The following MYRFL variants were observed in gnomAD, a reference collection of about 807,000 sequenced individuals.
The protein encoded by MYRFL is myelin regulatory factor like, also known as myelin regulatory factor-like protein.
MYRFL carries 88 observed loss-of-function variants against 109.4 expected under a neutral mutation model. The ratio of observed to expected loss-of-function variants is 0.80; its 90% CI spans 0.68 to 0.96. The LOEUF is 0.96. Among genes scored for constraint, MYRFL ranks in the 40% least tolerant of loss-of-function variants. The pLI, the probability that MYRFL is intolerant of heterozygous loss-of-function variation, is 0.00. For synonymous variants in MYRFL, 324 were observed against 320.9 expected (o/e 1.01, Z -0.10); for missense variants, 957 against 954.9 (o/e 1.00, Z -0.03).
intron 2 of MYRFL, among the ~76,000 whole-genome samples, chr12:69,856,522 A>G (rs1325859063): frequency 5.9e-5 from 9 of 152,162 alleles, no homozygotes; most frequent in South Asian, 2.1e-4. Flanking sequence ...GCAATGCATG[A>G]GATATCCAAT....
intron 20 of MYRFL, 97 bp from the exon 21 acceptor site, chr12:69,952,702 A>G: frequency 1.2e-6 from 1 of 829,416 alleles, no homozygotes; most frequent in East Asian, 2.9e-5. Context: ...GGAAACTCTT[A>G]CTTCCCATTC....
chr12:69,847,666 T>C (rs546650742), intron 1 of MYRFL, among the ~76,000 whole-genome samples: 1 of 152,190 alleles, frequency 6.6e-6, no homozygotes, highest in South Asian at 2.1e-4. Context: ...TCTCTCTCTC[T>C]CTTTAAAAAA....
intron 11 of MYRFL, chr12:69,904,224 G>A (rs1401085204): frequency 6.0e-6 from 1 of 166,870 alleles, no homozygotes; most frequent in African/African-American, 2.4e-5. Context: ...TCCAGTTCCT[G>A]ATCATATTTC....
chr12:69,926,794 G>A (rs1033791283), intron 14 of MYRFL, 60 bp downstream of exon 14: 11 of 1,286,506 alleles, frequency 8.6e-6, no homozygotes, highest in Admixed American at 6.8e-5. Context: ...GCTCTTTCCA[G>A]AATAAGATCA....
At chr12:69,944,918 C>G (rs1955785236) in intron 19 of MYRFL, among the ~76,000 whole-genome samples, 1 of 151,766 alleles carries the variant, frequency 6.6e-6, no homozygotes, top group Non-Finnish European at 1.5e-5. Flanking sequence ...ACTAATATGA[C>G]CTTTATACAT....
At chr12:69,897,370 T>A in intron 10 of MYRFL, 124 bp downstream of exon 10, 1 of 773,800 alleles carries the variant, frequency 1.3e-6, no homozygotes, top group South Asian at 1.6e-5. Flanking sequence ...TGGCAGAAAC[T>A]ATTATTTTAG....
chr12:69,939,876 T>A (rs1040545154), intron 19 of MYRFL, among the ~76,000 whole-genome samples: 1 of 151,964 alleles, frequency 6.6e-6, no homozygotes, highest in South Asian at 2.1e-4. Context: ...AAACCAAGGT[T>A]CGAGAACTAC....
chr12:69,932,782 A>G (rs1439643351), intron 16 of MYRFL, among the ~76,000 whole-genome samples, 184 bp downstream of exon 16: 1 of 152,198 alleles, frequency 6.6e-6, no homozygotes, highest in Non-Finnish European at 1.5e-5. Flanking sequence ...TTTTGAAGAA[A>G]AAAGCACAGG....
chr12:69,926,727 A>C lies in MYRFL; in HGVS notation c.1759A>C (p.Thr587Pro). ...GAAGTCATCAGCCAGTGAAGCAAGC[A>C]CAATCAGGTACGTGCAGCCAGGATT... ...SWKSSASEASTISKSSRAVSA... is the reference protein window; with the variant it reads ...SWKSSASEASPISKSSRAVSA... Residue 587 changes from threonine to proline, a missense_variant, in exon 14 of 25, where the codon ACA (threonine) becomes CCA (proline). Thr to Pro is a conservative substitution (Grantham distance 38, BLOSUM62 -1). Coordinates refer to ENST00000552032, the MANE Select transcript of MYRFL (RefSeq NM_182530.3). 1 of 1,489,516 alleles carries C rather than the reference A, an allele frequency of 6.7e-7. No individual in the cohort carries two copies. Among genetic ancestry groups the C allele is most frequent in the Non-Finnish European group, 8.9e-7 (1 of 1,122,038 alleles). The allele number at this position is 1,489,516 out of a possible 1,614,324, so 92.3% of individuals were successfully genotyped here.
At chr12:69,911,858 C>A (rs1470663415) in intron 13 of MYRFL, among the ~76,000 whole-genome samples, 1 of 152,128 alleles carries the variant, frequency 6.6e-6, no homozygotes, top group Non-Finnish European at 1.5e-5. Context: ...GGAGGTAATG[C>A]TCCCTGAACT....
At chr12:69,845,033 T>G (rs1249644806) in intron 1 of MYRFL, among the ~76,000 whole-genome samples, 1 of 152,140 alleles carries the variant, frequency 6.6e-6, no homozygotes, top group Non-Finnish European at 1.5e-5. Context: ...CTGCCATTTT[T>G]TCTCCACCTG....
At chr12:69,933,164 C>T (rs974474384) in intron 16 of MYRFL, among the ~76,000 whole-genome samples, 3 of 152,154 alleles carry the variant, frequency 2.0e-5, no homozygotes, top group Non-Finnish European at 2.9e-5. Context: ...GCAGTATTTG[C>T]TATGCAAATT....
In MYRFL at chr12:69,955,789, T is replaced by C. The variant is rs150396109; in HGVS notation, c.2450+352T>C. Among the ~76,000 whole-genome samples the C allele has an allele frequency of 4.5e-3, 667 of 149,778 alleles. 7 individuals carry two copies. Among genetic ancestry groups the C allele is most frequent in the African/African-American group, 0.016 (629 of 40,510 alleles). On this transcript the variant is annotated intron_variant, in intron 22 of 24. Coordinates refer to ENST00000552032, the MANE Select transcript of MYRFL (RefSeq NM_182530.3). Reference sequence around the variant, plus strand: ...AATAACATGCCCCCCGATGGGAAGATGCACAGCTCCCAGTAGCAATGTTAA... The same window carrying C: ...AATAACATGCCCCCCGATGGGAAGACGCACAGCTCCCAGTAGCAATGTTAA...
intron 13 of MYRFL, among the ~76,000 whole-genome samples, chr12:69,914,142 C>G (rs1448948607): frequency 6.6e-6 from 1 of 151,892 alleles, no homozygotes; most frequent in African/African-American, 2.4e-5. Context: ...TTTGTGTTGA[C>G]TTTGTATCCT....
intron 2 of MYRFL, among the ~76,000 whole-genome samples, chr12:69,870,904 T>C (rs1402000717): frequency 1.3e-5 from 2 of 152,236 alleles, no homozygotes; most frequent in Non-Finnish European, 2.9e-5. Context: ...CATTCCTGTT[T>C]ACAATATGCC....
chr12:69,851,060 T>C (rs2136320369), intron 1 of MYRFL, among the ~76,000 whole-genome samples: 1 of 152,334 alleles, frequency 6.6e-6, no homozygotes, highest in African/African-American at 2.4e-5. Flanking sequence ...ATCTTACTTA[T>C]GTAATATTCT....
chr12:69,878,921 GGA>G, intron 2 of MYRFL, 105 bp from the exon 3 acceptor site: 1 of 686,214 alleles, frequency 1.5e-6, no homozygotes, highest in South Asian at 1.6e-5. Flanking sequence ...CCCAGCACCT[GGA>G]ACCATCACTG....
rs764677177 is a variant in MYRFL, at chr12:69,886,805, C to T, written c.557-15C>T. 24 of 1,535,504 alleles carry T rather than the reference C, an allele frequency of 1.6e-5. No individual in the cohort carries two copies. The highest frequency in any genetic ancestry group is 2.0e-5 in the Non-Finnish European group (23 of 1,146,656). On this transcript the variant is annotated splice_polypyrimidine_tract_variant and intron_variant, in intron 5 of 24. Transcript: ENST00000552032. ...AGCCTGGAAGGAAGGCTCTGACGCA[C>T]CTGTTTCTTTGCAGTGACAAGTAGG... is the stretch of plus-strand genomic sequence containing the variant.
intron 8 of MYRFL, among the ~76,000 whole-genome samples, chr12:69,894,535 G>A (rs913255114): frequency 1.3e-5 from 2 of 152,178 alleles, no homozygotes; most frequent in African/African-American, 4.8e-5. Context: ...TCAGCATGAT[G>A]TTGATTGAAT....
Sources: gnomAD v4.1 joint callset for allele counts (sites outside exome capture counted in the v4.1 genomes callset) on GRCh38, gnomAD v4.1.1 for gene constraint, MANE v1.5 for transcripts, NCBI Gene and HGNC (gene_info 2026-07-23, HGNC 2026-07-21) for gene names.